The following PCNX1 variants were observed in gnomAD, a reference collection of about 807,000 sequenced individuals.
PCNX1 encodes the protein pecanex-like protein 1.
A neutral mutation model predicts 242.2 loss-of-function variants in PCNX1; 78 were observed. The observed-to-expected ratio is 0.32, with a 90% CI of 0.27 to 0.39. PCNX1 has a LOEUF of 0.39. PCNX1 is among the 10% of genes least tolerant of loss of function. PCNX1 has a pLI of 1.00. For synonymous variants in PCNX1, 1,024 were observed against 1,032.9 expected, an observed-to-expected ratio of 0.99 and a Z score of 0.17; for missense variants, 2,581 against 2,856.5, an observed-to-expected ratio of 0.90 and a Z score of 2.20.
chr14:70,943,234 G>A (rs1209022902), intron 1 of PCNX1, among the ~76,000 whole-genome samples: 1 of 152,220 alleles, frequency 6.6e-6, no homozygotes, highest in African/African-American at 2.4e-5. Context: ...GTAACAGGCA[G>A]AGGTTGGAAC....
rs2062693882 is a variant in PCNX1 at position 71,108,856 on chromosome 14, G to A, written c.6554G>A (p.Cys2185Tyr). The A allele has an allele frequency of 6.2e-7, 1 of 1,614,120 alleles. No homozygotes were observed. Among genetic ancestry groups the A allele is most frequent in the Non-Finnish European group, 8.5e-7 (1 of 1,180,056 alleles). ...CCCTCAGGTCAGAGCGGCCTGGCCTGTGTGCAGCACGGCCTGCCTTCCTCC... is the reference window on the plus strand; with the variant it reads ...CCCTCAGGTCAGAGCGGCCTGGCCTATGTGCAGCACGGCCTGCCTTCCTCC... ...MEPSGQSGLACVQHGLPSSSS... is the reference protein window; with the variant it reads ...MEPSGQSGLAYVQHGLPSSSS... Residue 2185 changes from cysteine to tyrosine, a missense_variant, in exon 34 of 36, where the codon TGT (cysteine) becomes TAT (tyrosine). Around this residue, in one of 9 missense-constraint regions of PCNX1, gnomAD observed 432 missense variants for 433.6 expected, o/e 1.00. Coordinates refer to ENST00000304743, the MANE Select transcript of PCNX1 (RefSeq NM_014982.3).
intron 24 of PCNX1, among the ~76,000 whole-genome samples, chr14:71,054,954 T>G (rs576867742): frequency 5.9e-5 from 9 of 152,280 alleles, no homozygotes; most frequent in African/African-American, 2.2e-4. Context: ...GGCACCACAG[T>G]CTTACCTACC....
intron 3 of PCNX1, among the ~76,000 whole-genome samples, chr14:70,966,342 A>G (rs1161368310): frequency 6.6e-6 from 1 of 152,234 alleles, no homozygotes; most frequent in African/African-American, 2.4e-5. Context: ...ATTTGTGTTC[A>G]GCAGCCTAAC....
intron 24 of PCNX1, among the ~76,000 whole-genome samples, chr14:71,054,345 T>A (rs760425592): frequency 1.3e-5 from 2 of 152,236 alleles, no homozygotes; most frequent in Non-Finnish European, 2.9e-5. Flanking sequence ...TAATGTAGAT[T>A]TTCTAAATGT....
At position 70,995,891 on chromosome 14, in the gene PCNX1, T is replaced by C. The variant is rs1566675371; in HGVS notation, c.2595T>C (p.Ser865=). 1.9e-6 allele frequency: 3 copies of C among 1,614,170 alleles called. No homozygotes were observed. Among genetic ancestry groups the C allele is most frequent in the Non-Finnish European group, 1.7e-6 (2 of 1,179,980 alleles). Residue 865 remains serine (S), a synonymous_variant, in exon 8 of 36, where the codon TCT becomes TCC. Transcript: ENST00000304743. The part of the protein sequence containing the change: ...VHLEASHDNA[S]AVGGSSLHDE... Reference sequence around the variant, plus strand: ...TAGAAGCATCACATGACAATGCATCTGCTGTAGGCGGTAGCAGTTTGCACG... The same window carrying C: ...TAGAAGCATCACATGACAATGCATCCGCTGTAGGCGGTAGCAGTTTGCACG...
At chr14:71,108,565 C>T in intron 33 of PCNX1, 39 bp from the exon 34 acceptor site, 2 of 1,493,668 alleles carry the variant, frequency 1.3e-6, no homozygotes, top group East Asian at 2.3e-5. Context: ...GTGTCTGAGT[C>T]ATTCTACTTT....
At chr14:70,950,470 A>G (rs538551283) in intron 2 of PCNX1, among the ~76,000 whole-genome samples, 13 of 152,270 alleles carry the variant, frequency 8.5e-5, no homozygotes, top group South Asian at 2.1e-4. Flanking sequence ...TAAATTTTCA[A>G]TGATTAAATG....
chr14:71,082,137 G>T (rs1453471403), intron 28 of PCNX1, among the ~76,000 whole-genome samples: 1 of 152,098 alleles, frequency 6.6e-6, no homozygotes, highest in Non-Finnish European at 1.5e-5. Context: ...TTCAGGGGCA[G>T]GTTTTTCAGT....
chr14:70,913,931 T>C (rs981720770), intron 1 of PCNX1, among the ~76,000 whole-genome samples: 7 of 152,346 alleles, frequency 4.6e-5, no homozygotes, highest in Admixed American at 4.6e-4. Flanking sequence ...GGATGGCCTG[T>C]TTAGATCTAT....
chr14:71,094,390 T>C (rs1339588927), intron 30 of PCNX1, among the ~76,000 whole-genome samples: 1 of 152,218 alleles, frequency 6.6e-6, no homozygotes, highest in Non-Finnish European at 1.5e-5. Flanking sequence ...TTTGTCAAGA[T>C]GCATCTAACT....
At chr14:71,068,162 A>G (rs986880431) in intron 26 of PCNX1, among the ~76,000 whole-genome samples, 2 of 151,790 alleles carry the variant, frequency 1.3e-5, no homozygotes, top group Middle Eastern at 3.2e-3. Context: ...CCCCGTCTCT[A>G]CTAAAAATAC....
chr14:71,041,764 A>T (rs2060711899), intron 19 of PCNX1, among the ~76,000 whole-genome samples: 1 of 148,596 alleles, frequency 6.7e-6, no homozygotes, highest in Non-Finnish European at 1.5e-5. Flanking sequence ...TACTTTTTTG[A>T]TGGAGGCATT....
intron 1 of PCNX1, among the ~76,000 whole-genome samples, chr14:70,941,873 T>A (rs955047532): frequency 6.6e-6 from 1 of 152,192 alleles, no homozygotes; most frequent in African/African-American, 2.4e-5. Flanking sequence ...TGCAGTTTGA[T>A]CTGAGACTGC....
rs568304248 is a variant in PCNX1, at chr14:70,940,687, G to C, written c.154-6228G>C. 2.6e-5 allele frequency among the ~76,000 whole-genome samples: 4 copies of C among 152,226 alleles called. No individual in the cohort carries two copies. The East Asian group carries it at 5.8e-4, about 22-fold the overall frequency. On this transcript the variant is annotated intron_variant, in intron 1 of 35. Transcript: ENST00000304743. ...GAATGTTGGCCTGCTTTGCTAGGTT[G>C]GGGAAGTTCTCCTGGATAATATCCT...
intron 8 of PCNX1, among the ~76,000 whole-genome samples, chr14:71,008,228 T>C (rs2140497203): frequency 6.6e-6 from 1 of 152,304 alleles, no homozygotes; most frequent in South Asian, 2.1e-4. Context: ...GTCATATTAG[T>C]ACATTATGGA....
chr14:71,028,813 G>T, intron 16 of PCNX1, 22 bp downstream of exon 16: 1 of 1,414,876 alleles, frequency 7.1e-7, no homozygotes, highest in East Asian at 2.4e-5. Context: ...ATTATAGTAT[G>T]TTTTGTCTTT....
At chr14:70,957,109 C>T (rs1333217848) in intron 2 of PCNX1, among the ~76,000 whole-genome samples, 2 of 152,022 alleles carry the variant, frequency 1.3e-5, no homozygotes, top group Admixed American at 6.6e-5. Context: ...TGTCTACTAA[C>T]CTCAGCCTCT....
At chr14:71,109,630 C>CTT in intron 35 of PCNX1, 38 bp downstream of exon 35, 2 of 1,612,000 alleles carry the variant, frequency 1.2e-6, no homozygotes, top group Non-Finnish European at 1.7e-6. Context: ...GGGGCTCTGC[C>CTT]TTTTTTGAAG....
chr14:70,981,490 A>G (rs2058838921), intron 6 of PCNX1, among the ~76,000 whole-genome samples: 1 of 152,166 alleles, frequency 6.6e-6, no homozygotes, highest in Non-Finnish European at 1.5e-5. Flanking sequence ...TATGTCATAT[A>G]ACATCTTTTT....
Sources: gnomAD v4.1 joint callset for allele counts (sites outside exome capture counted in the v4.1 genomes callset) on GRCh38, gnomAD v4.1.1 for gene constraint, gnomAD v4.1.1 regional missense constraint, MANE v1.5 for transcripts, NCBI Gene and HGNC (gene_info 2026-07-23, HGNC 2026-07-21) for gene names.